The following SNX24 variants were observed in gnomAD, a reference collection of about 807,000 sequenced individuals.
SNX24 encodes sorting nexin 24, also known as sorting nexin-24.
Under a neutral mutation model 28.7 loss-of-function variants are expected in SNX24, and 22 were observed. The observed-to-expected ratio is 0.77, with a 90% CI of 0.55 to 1.10. SNX24 has a LOEUF of 1.10. Ranked by LOEUF, SNX24 falls within the 50% of genes least tolerant of loss-of-function variation. SNX24 has a pLI of 0.00. For synonymous variants in SNX24, 69 were observed against 71.5 expected, an observed-to-expected ratio of 0.96 and a Z score of 0.18; for missense variants, 221 against 201.1, an observed-to-expected ratio of 1.10 and a Z score of -0.60.
chr5:122,978,518 G>A (rs1761257964), intron 3 of SNX24, among the ~76,000 whole-genome samples: 1 of 152,172 alleles, frequency 6.6e-6, no homozygotes, highest in Non-Finnish European at 1.5e-5. Flanking sequence ...TTCAGCTGGA[G>A]ATATCCAGTT....
intron 3 of SNX24, among the ~76,000 whole-genome samples, chr5:122,968,202 G>T (rs530065467): frequency 1.4e-4 from 22 of 152,156 alleles, no homozygotes; most frequent in South Asian, 2.1e-4. Context: ...AAAGTTAGCC[G>T]GGCGTGGTGG....
chr5:123,026,686 G>C (rs1264442967), intron 5 of SNX24, among the ~76,000 whole-genome samples: 1 of 152,208 alleles, frequency 6.6e-6, no homozygotes, highest in Non-Finnish European at 1.5e-5. Flanking sequence ...ACAATTGGGA[G>C]CACCCAGTGG....
At chr5:122,868,755 A>G (rs1288869561) in intron 1 of SNX24, among the ~76,000 whole-genome samples, 1 of 152,166 alleles carries the variant, frequency 6.6e-6, no homozygotes, top group Non-Finnish European at 1.5e-5. Flanking sequence ...AGGTCCACTC[A>G]CATTATGAAT....
intron 1 of SNX24, among the ~76,000 whole-genome samples, chr5:122,872,819 C>G (rs532263244): frequency 6.6e-6 from 1 of 151,526 alleles, no homozygotes; most frequent in East Asian, 1.9e-4. Flanking sequence ...CTCTAGCTGG[C>G]GGTGGAATGG....
At chr5:123,013,029 T>C (rs1253081661), downstream of SNX24, among the ~76,000 whole-genome samples, 1 of 152,196 alleles carries the variant, frequency 6.6e-6, no homozygotes, top group African/African-American at 2.4e-5. Context: ...TCATAACTCC[T>C]TCAGAATCCA....
At position 123,008,122 on chromosome 5, in the gene SNX24, T is replaced by C; in HGVS notation, c.*373T>C. The C allele has an allele frequency of 2.0e-6, 2 of 1,001,504 alleles. No individual in the cohort carries two copies. Among genetic ancestry groups the C allele is most frequent in the Non-Finnish European group, 1.2e-6 (1 of 840,916 alleles). 62.0% of individuals were successfully genotyped at this position (1,001,504 alleles called of 1,614,324 possible). On this transcript the variant is annotated 3_prime_UTR_variant, in exon 7 of 7. Coordinates refer to ENST00000261369, the MANE Select transcript of SNX24 (RefSeq NM_014035.4). ...ATCATATCCTGAATCATACTGAGAC[T>C]GATCAACTTTGGTAGCTTTTTTGTT... is the stretch of plus-strand genomic sequence containing the variant.
Position 123,008,398 on chromosome 5 carries a change from G to T in SNX24, c.*649G>T. ...CAAGGTCAGTACATAGGTAAAATGG[G>T]CTATTAGGATGATCCTTGAAAGCCC... On this transcript the variant is annotated 3_prime_UTR_variant, in exon 7 of 7. Transcript: ENST00000261369. The T allele has an allele frequency of 1.6e-6, 1 of 621,846 alleles. No homozygotes were observed. The highest frequency in any genetic ancestry group is 2.0e-5 in the African/African-American group (1 of 50,146). The allele number at this position is 621,846 out of a possible 1,614,324, so 38.5% of individuals were successfully genotyped here. A position where few individuals can be genotyped will look rare whatever the true frequency, so the allele number is the denominator to read the frequency against.
intron 1 of SNX24, among the ~76,000 whole-genome samples, chr5:122,912,734 G>T (rs1355597206): frequency 3.2e-4 from 44 of 137,016 alleles, no homozygotes; most frequent in Admixed American, 2.3e-3. Flanking sequence ...AATCATGTGG[G>T]TTTTTTTTTT....
intron 1 of SNX24, among the ~76,000 whole-genome samples, chr5:122,882,898 G>T (rs1183750571): frequency 1.3e-5 from 2 of 152,068 alleles, no homozygotes; most frequent in Non-Finnish European, 2.9e-5. Flanking sequence ...AGGACATGGG[G>T]GTGGGAGCAT....
chr5:122,977,134 T>C (rs1436132933), intron 3 of SNX24, among the ~76,000 whole-genome samples: 1 of 152,208 alleles, frequency 6.6e-6, no homozygotes, highest in African/African-American at 2.4e-5. Flanking sequence ...TTGTTTTCCT[T>C]TGAAGTGAAG....
At chr5:122,958,562 A>C (rs1396621598) in intron 3 of SNX24, among the ~76,000 whole-genome samples, 4 of 151,432 alleles carry the variant, frequency 2.6e-5, no homozygotes, top group Admixed American at 2.6e-4. Flanking sequence ...GACCACCAAG[A>C]GTTTTTTTTT....
intron 5 of SNX24, among the ~76,000 whole-genome samples, chr5:123,020,778 C>A (rs1762751182): frequency 6.6e-6 from 1 of 152,088 alleles, no homozygotes; most frequent in South Asian, 2.1e-4. Context: ...GTTTTCGGAA[C>A]CTTTCTGTCT....
At chr5:122,848,739 A>G (rs1460175548) in intron 1 of SNX24, among the ~76,000 whole-genome samples, 1 of 151,960 alleles carries the variant, frequency 6.6e-6, no homozygotes, top group Non-Finnish European at 1.5e-5. Context: ...AATTTAAAAC[A>G]CATTACATCA....
chr5:122,861,772 T>C (rs1006860775), intron 1 of SNX24, among the ~76,000 whole-genome samples: 3 of 152,128 alleles, frequency 2.0e-5, no homozygotes, highest in Non-Finnish European at 4.4e-5. Context: ...CCTCTTCTCA[T>C]TGATTTTATA....
intron 1 of SNX24, among the ~76,000 whole-genome samples, chr5:122,923,005 C>G (rs1370603813): frequency 6.6e-6 from 1 of 152,012 alleles, no homozygotes; most frequent in Non-Finnish European, 1.5e-5. Flanking sequence ...AAGTAAAATA[C>G]CTGATCTATC....
At chr5:122,847,941 A>G (rs1006472386) in intron 1 of SNX24, among the ~76,000 whole-genome samples, 2 of 152,166 alleles carry the variant, frequency 1.3e-5, no homozygotes, top group Admixed American at 1.3e-4. Context: ...CTGTGTCTGT[A>G]TTCTGGGTGT....
chr5:123,028,774 C>T, intron 5 of SNX24: 1 of 1,607,414 alleles, frequency 6.2e-7, no homozygotes, highest in Non-Finnish European at 8.5e-7. Context: ...AAAGACGTTA[C>T]CCCCAGTGCC....
intron 3 of SNX24, among the ~76,000 whole-genome samples, chr5:122,949,042 A>G (rs1242514633): frequency 6.6e-6 from 1 of 152,334 alleles, no homozygotes; most frequent in South Asian, 2.1e-4. Flanking sequence ...TCTGTGCTGT[A>G]TTTAAGTAAG....
At chr5:122,974,964 G>C (rs1375344593) in intron 3 of SNX24, among the ~76,000 whole-genome samples, 1 of 152,106 alleles carries the variant, frequency 6.6e-6, no homozygotes, top group African/African-American at 2.4e-5. Context: ...GATGAGTCCG[G>C]GGAATCAGTG....
Sources: allele counts gnomAD v4.1 joint callset (sites outside exome capture counted in the v4.1 genomes callset), GRCh38; gene constraint gnomAD v4.1.1; transcripts MANE v1.5; gene names NCBI Gene and HGNC (gene_info 2026-07-23, HGNC 2026-07-21).